The following SFXN5 variants were observed in gnomAD, a reference collection of about 807,000 sequenced individuals.
The protein encoded by SFXN5 is sideroflexin 5, also known as sideroflexin-5.
In SFXN5, 43 loss-of-function variants were observed where a neutral mutation model predicts 50.2. The ratio of observed to expected loss-of-function variants is 0.86; its 90% CI spans 0.67 to 1.11. The LOEUF is 1.11. SFXN5 is among the 50% of genes least tolerant of loss of function. The pLI is 0.00. For missense variants in SFXN5, 463 were observed against 454.1 expected, an observed-to-expected ratio of 1.02 and a Z score of -0.18; for synonymous variants, 203 against 185.8, an observed-to-expected ratio of 1.09 and a Z score of -0.75.
At chr2:72,969,098 G>A (rs371105980) in intron 11 of SFXN5, among the ~76,000 whole-genome samples, 8 of 152,192 alleles carry the variant, frequency 5.3e-5, no homozygotes, top group South Asian at 4.1e-4. Context: ...GTGAACCACC[G>A]TGCCTGGCTT....
chr2:73,040,278 T>G (rs1679456137), intron 3 of SFXN5, among the ~76,000 whole-genome samples: 1 of 152,150 alleles, frequency 6.6e-6, no homozygotes, highest in Non-Finnish European at 1.5e-5. Flanking sequence ...CTACCTTCCC[T>G]TACCCCTCCC....
intron 6 of SFXN5, among the ~76,000 whole-genome samples, chr2:73,008,575 C>G (rs1158883621): frequency 6.6e-6 from 1 of 152,200 alleles, no homozygotes; most frequent in Non-Finnish European, 1.5e-5. Flanking sequence ...CGGGCCCTGC[C>G]TCTCCCAGGC....
chr2:73,025,106 G>A (rs1288629519), intron 3 of SFXN5, among the ~76,000 whole-genome samples: 1 of 151,964 alleles, frequency 6.6e-6, no homozygotes, highest in Non-Finnish European at 1.5e-5. Flanking sequence ...CTAGCACAAA[G>A]GTTAAGTGAG....
At chr2:72,972,440 C>T (rs1460807178) in intron 10 of SFXN5, among the ~76,000 whole-genome samples, 5 of 152,208 alleles carry the variant, frequency 3.3e-5, no homozygotes, top group Non-Finnish European at 7.3e-5. Flanking sequence ...TGGCTAGGCC[C>T]CTCTGCCATC....
At chr2:72,977,130 T>C (rs1465291441) in intron 10 of SFXN5, among the ~76,000 whole-genome samples, 3 of 152,180 alleles carry the variant, frequency 2.0e-5, no homozygotes, top group African/African-American at 7.2e-5. Flanking sequence ...TCTTGTCCTC[T>C]GGACACTGGG....
chr2:72,987,189 T>C (rs1358046494), intron 10 of SFXN5, among the ~76,000 whole-genome samples: 1 of 152,046 alleles, frequency 6.6e-6, no homozygotes, highest in African/African-American at 2.4e-5. Flanking sequence ...CTTGGCTCAC[T>C]GCAACCTCCA....
chr2:73,058,770 A>C (rs1173272691), intron 1 of SFXN5, among the ~76,000 whole-genome samples, 174 bp from the exon 2 acceptor site: 1 of 152,134 alleles, frequency 6.6e-6, no homozygotes, highest in Non-Finnish European at 1.5e-5. Context: ...CCTGGGGCTG[A>C]GAGTTTTCCA....
Position 72,992,523 on chromosome 2 carries a change from C to T in SFXN5, c.535-4175G>A, listed in dbSNP as rs111268393. Among the ~76,000 whole-genome samples the T allele has an allele frequency of 3.2e-3, 482 of 152,276 alleles. 6 individuals carry two copies. Among genetic ancestry groups the T allele is most frequent in the African/African-American group, 9.2e-3 (383 of 41,562 alleles). Reference sequence around the variant, plus strand: ...CTCGCACCCCAAATGAAGGTTGTCTCGTTCTTCCTCACCCACACCCCAGCC... The same window carrying T: ...CTCGCACCCCAAATGAAGGTTGTCTTGTTCTTCCTCACCCACACCCCAGCC... On this transcript the variant is annotated intron_variant, in intron 9 of 13. Coordinates refer to ENST00000272433, the MANE Select transcript of SFXN5 (RefSeq NM_144579.3). The surrounding 1 kb of genome is among the most constrained non-coding windows in gnomAD (Gnocchi z 4.5).
intron 2 of SFXN5, among the ~76,000 whole-genome samples, chr2:73,046,545 A>G (rs1253660677): frequency 6.6e-6 from 1 of 152,150 alleles, no homozygotes; most frequent in South Asian, 2.1e-4. Context: ...TAAAAATAAT[A>G]AAGACTTGGT....
Position 72,944,724 on chromosome 2 carries a change from G to A in SFXN5, c.*298C>T. 1 of 358,124 alleles carries A rather than the reference G, an allele frequency of 2.8e-6. No homozygotes were observed. The highest frequency in any genetic ancestry group is 7.6e-4 in the Middle Eastern group (1 of 1,318). The allele number at this position is 358,124 out of a possible 1,614,324, so 22.2% of individuals were successfully genotyped here. The stretch of plus-strand genomic sequence containing the variant: ...AAAGGATTCTACTTCTACCCCATGG[G>A]CACTCTACAATTTTTCAGCTTCACA... On this transcript the variant is annotated 3_prime_UTR_variant, in exon 14 of 14. Coordinates refer to ENST00000272433, the MANE Select transcript of SFXN5 (RefSeq NM_144579.3).
At chr2:72,956,883 G>T (rs1035672802) in intron 13 of SFXN5, 1 of 372,968 alleles carries the variant, frequency 2.7e-6, no homozygotes, top group South Asian at 2.0e-5. Context: ...TCAATCATCT[G>T]AACAAAGAAG....
At chr2:73,066,129 A>C (rs1683160689) in intron 1 of SFXN5, among the ~76,000 whole-genome samples, 1 of 152,226 alleles carries the variant, frequency 6.6e-6, no homozygotes, top group Non-Finnish European at 1.5e-5. Context: ...AGGAGAAACA[A>C]GGGATAAAGG....
At chr2:73,066,657 T>C (rs999476753) in intron 1 of SFXN5, among the ~76,000 whole-genome samples, 3 of 151,860 alleles carry the variant, frequency 2.0e-5, no homozygotes, top group Non-Finnish European at 4.4e-5. Context: ...ACAAATAAAT[T>C]AAGTGATGGT....
intron 9 of SFXN5, among the ~76,000 whole-genome samples, chr2:72,988,708 C>T (rs1398015747): frequency 9.9e-5 from 15 of 152,152 alleles, no homozygotes; most frequent in Admixed American, 9.8e-4. Context: ...AGAATACATA[C>T]TCCATGAATA....
chr2:73,032,609 G>A lies in SFXN5; in HGVS notation c.249+8245C>T, dbSNP rs537484389. On this transcript the variant is annotated intron_variant, in intron 3 of 13. Transcript: ENST00000272433. ...ACCAACTGGCCTTCTCGGGCAGAGC[G>A]GGGCACACCCCCAACACCCAGAGGG... Among the ~76,000 whole-genome samples the A allele has an allele frequency of 1.6e-4, 24 of 152,280 alleles. No individual in the cohort carries two copies. In the East Asian group the frequency reaches 1.7e-3, roughly 11 times the overall value.
chr2:72,974,541 C>A (rs1021424214), intron 10 of SFXN5, among the ~76,000 whole-genome samples: 2 of 152,162 alleles, frequency 1.3e-5, no homozygotes, highest in African/African-American at 2.4e-5. Flanking sequence ...CCTCCCCAGG[C>A]TCCTCCCTTG....
intron 13 of SFXN5, among the ~76,000 whole-genome samples, chr2:72,959,559 A>C (rs1673475616): frequency 6.6e-6 from 1 of 152,024 alleles, no homozygotes; most frequent in Non-Finnish European, 1.5e-5. Flanking sequence ...ACAAGAACAC[A>C]GGAGCCATTG....
In SFXN5 at chr2:72,960,488, C is replaced by T. The variant is rs1260197942; in HGVS notation, c.945+643G>A. ...GCCGCCATCACCGCTTGCTGGATGCCCGCCACAGGCTCCTGATGGTTCCTT... is the reference window on the plus strand; with the variant it reads ...GCCGCCATCACCGCTTGCTGGATGCTCGCCACAGGCTCCTGATGGTTCCTT... On this transcript the variant is annotated intron_variant, in intron 13 of 13. Coordinates refer to ENST00000272433, the MANE Select transcript of SFXN5 (RefSeq NM_144579.3). The surrounding 1 kb of genome is among the most constrained non-coding windows in gnomAD (Gnocchi z 6.1). Among the ~76,000 whole-genome samples the T allele has an allele frequency of 6.6e-6, 1 of 152,120 alleles. No homozygotes were observed. Among genetic ancestry groups the T allele is most frequent in the Non-Finnish European group, 1.5e-5 (1 of 68,032 alleles).
intron 10 of SFXN5, chr2:72,981,135 A>G (rs1671256717): frequency 6.6e-6 from 1 of 152,182 alleles, no homozygotes; most frequent in Non-Finnish European, 1.5e-5. Flanking sequence ...CAGGCAGCTC[A>G]TTCCAATAAC....
Sources: allele counts gnomAD v4.1 joint callset (sites outside exome capture counted in the v4.1 genomes callset), GRCh38; gene constraint gnomAD v4.1.1; non-coding constraint Gnocchi (gnomAD v3.1); transcripts MANE v1.5; gene names NCBI Gene and HGNC (gene_info 2026-07-23, HGNC 2026-07-21).